The following MYH10 variants were observed in gnomAD, a reference collection of about 807,000 sequenced individuals.
The protein encoded by MYH10 is myosin-10.
Under a neutral mutation model 257.8 loss-of-function variants are expected in MYH10, and 55 were observed. The ratio of observed to expected loss-of-function variants is 0.21; its 90% CI spans 0.17 to 0.27. MYH10 has a LOEUF of 0.27. MYH10 is among the 10% of genes least tolerant of loss of function. MYH10 has a pLI of 1.00. For synonymous variants in MYH10, 854 were observed against 921.7 expected, an observed-to-expected ratio of 0.93 and a Z score of 1.33; for missense variants, 1,631 against 2,500.6, an observed-to-expected ratio of 0.65 and a Z score of 7.42.
intron 17 of MYH10, among the ~76,000 whole-genome samples, chr17:8,526,354 C>A (rs2081846542): frequency 1.3e-5 from 2 of 152,160 alleles, no homozygotes; most frequent in African/African-American, 4.8e-5. Flanking sequence ...CACTGGAAGA[C>A]CTAATATTGC....
At chr17:8,617,305 T>A (rs2085301724) in intron 2 of MYH10, among the ~76,000 whole-genome samples, 1 of 152,158 alleles carries the variant, frequency 6.6e-6, no homozygotes, top group Non-Finnish European at 1.5e-5. Context: ...GCAATTCCTA[T>A]CAGGTAGCCC....
chr17:8,603,000 A>G (rs899150686), intron 3 of MYH10, among the ~76,000 whole-genome samples: 2 of 152,206 alleles, frequency 1.3e-5, no homozygotes, highest in African/African-American at 4.8e-5. Flanking sequence ...CATTCTGTTT[A>G]CTAAAGAGGA....
chr17:8,559,057 C>T (rs1324353987), intron 7 of MYH10, among the ~76,000 whole-genome samples: 3 of 152,140 alleles, frequency 2.0e-5, no homozygotes, highest in Non-Finnish European at 4.4e-5. Flanking sequence ...AGAATGACCA[C>T]CTGGATGCTA....
At chr17:8,479,977 TTC>T in intron 40 of MYH10, 131 bp downstream of exon 40, 5 of 813,072 alleles carry the variant, frequency 6.1e-6, no homozygotes, top group Non-Finnish European at 9.6e-6. Context: ...TCACACCAAC[TTC>T]TGTGTCCCAC....
intron 19 of MYH10, 84 bp downstream of exon 19, chr17:8,520,794 A>G: frequency 7.0e-7 from 1 of 1,431,962 alleles, no homozygotes; most frequent in Non-Finnish European, 9.4e-7. Context: ...GACAAGGAAA[A>G]AGATTTCCTT....
chr17:8,610,271 C>CA lies in MYH10; in HGVS notation c.346-5290dup, dbSNP rs71361810. Among the ~76,000 whole-genome samples the CA allele has an allele frequency of 6.5e-3, 298 of 45,798 alleles. 8 individuals carry two copies. The highest frequency in any genetic ancestry group is 0.016 in the South Asian group (11 of 692). 30.0% of individuals were successfully genotyped at this position (45,798 alleles called of 152,430 possible). ...GTTTATAGGGAGCACCATAGGATTG[C>CA]AAAAAAAAAAAAAAAAAAAAAGGGT... is the stretch of plus-strand genomic sequence containing the variant. On this transcript the variant is annotated intron_variant, in intron 2 of 42. Coordinates refer to ENST00000360416, the MANE Select transcript of MYH10 (RefSeq NM_001256012.3).
chr17:8,491,740 A>G (rs1232536189), intron 34 of MYH10, among the ~76,000 whole-genome samples: 1 of 152,166 alleles, frequency 6.6e-6, no homozygotes, highest in Non-Finnish European at 1.5e-5. Flanking sequence ...GTCATACACT[A>G]AGGGAGAGAC....
At position 8,506,198 on chromosome 17, in the gene MYH10, C is replaced by T; in HGVS notation, c.3386+120G>A. 9.3e-7 allele frequency: 1 copy of T among 1,074,416 alleles called. No individual in the cohort carries two copies. The highest frequency in any genetic ancestry group is 1.3e-6 in the Non-Finnish European group (1 of 777,108). 66.6% of individuals were successfully genotyped at this position (1,074,416 alleles called of 1,614,324 possible). A position where few individuals can be genotyped will look rare whatever the true frequency, so the allele number is the denominator to read the frequency against. On this transcript the variant is annotated intron_variant, in intron 27 of 42. Coordinates refer to ENST00000360416, the MANE Select transcript of MYH10 (RefSeq NM_001256012.3). This position sits in a 1 kb window ranked among gnomAD's most constrained non-coding sequence, Gnocchi z 5.0. The stretch of plus-strand genomic sequence containing the variant: ...GGCTTTTCACTTTCTCAGGTCACAC[C>T]AAACAGCAAGCAAACCCCATCTCAC...
chr17:8,612,946 C>T (rs1219743585), intron 2 of MYH10, among the ~76,000 whole-genome samples: 1 of 152,058 alleles, frequency 6.6e-6, no homozygotes, highest in East Asian at 1.9e-4. Flanking sequence ...CAGGCATCCA[C>T]TGGGGATCTT....
At chr17:8,548,968 T>C (rs2082533490) in intron 9 of MYH10, among the ~76,000 whole-genome samples, 181 bp from the exon 10 acceptor site, 1 of 152,048 alleles carries the variant, frequency 6.6e-6, no homozygotes, top group African/African-American at 2.4e-5. Context: ...TTTTTTTAAT[T>C]ATCTGTACCA....
chr17:8,534,704 G>A (rs2082093254), intron 16 of MYH10, among the ~76,000 whole-genome samples: 1 of 152,242 alleles, frequency 6.6e-6, no homozygotes, highest in Non-Finnish European at 1.5e-5. Context: ...CTAAGGTCCT[G>A]CATGGCCTGA....
intron 36 of MYH10, 83 bp downstream of exon 36, chr17:8,487,350 C>A: frequency 1.3e-6 from 2 of 1,535,736 alleles, no homozygotes; most frequent in Non-Finnish European, 1.8e-6. Context: ...TGCTGTGCCC[C>A]CCAGCTTCAC....
intron 7 of MYH10, among the ~76,000 whole-genome samples, chr17:8,562,169 T>C (rs565688346): frequency 2.0e-4 from 30 of 152,320 alleles, no homozygotes; most frequent in African/African-American, 7.0e-4. Flanking sequence ...CCTGACAAAG[T>C]GAAATTTCAG....
chr17:8,608,550 AGCAGGAT>A (rs1448290999), intron 2 of MYH10, among the ~76,000 whole-genome samples: 1 of 152,218 alleles, frequency 6.6e-6, no homozygotes, highest in Non-Finnish European at 1.5e-5. Flanking sequence ...GGGTGAGCCA[AGCAGGAT>A]GCCTCTTGGG....
rs1054334826 is a variant in MYH10, at chr17:8,569,993, A to G, written c.664-181T>C. On this transcript the variant is annotated intron_variant, in intron 6 of 42. Coordinates refer to ENST00000360416, the MANE Select transcript of MYH10 (RefSeq NM_001256012.3). This position sits in a 1 kb window ranked among gnomAD's most constrained non-coding sequence, Gnocchi z 4.1. ...AATCCTGGTTATGATAATGGACTCC[A>G]CTAAAGGAAAAAATTAGCATCTATA... is the stretch of plus-strand genomic sequence containing the variant. Among the ~76,000 whole-genome samples, 33 of 152,194 alleles carry G rather than the reference A, an allele frequency of 2.2e-4. 1 individual carries two copies. The highest frequency in any genetic ancestry group is 8.8e-5 in the Non-Finnish European group (6 of 68,032).
At chr17:8,539,277 C>A (rs1335181619) in intron 14 of MYH10, among the ~76,000 whole-genome samples, 1 of 152,180 alleles carries the variant, frequency 6.6e-6, no homozygotes, top group East Asian at 1.9e-4. Context: ...CCCTAAAATA[C>A]CACTTTCAAC....
rs377687218 is a variant in MYH10 at position 8,500,808 on chromosome 17, C to T, written c.3744+18G>A. 1.7e-4 allele frequency: 273 copies of T among 1,609,368 alleles called. 1 individual carries two copies. Among genetic ancestry groups the T allele is most frequent in the Non-Finnish European group, 2.0e-4 (235 of 1,178,980 alleles). On this transcript the variant is annotated intron_variant, in intron 29 of 42. Coordinates refer to ENST00000360416, the MANE Select transcript of MYH10 (RefSeq NM_001256012.3). ...CAGACTTTCTCCAGGCCACAGCACA[C>T]GGCAGGGCCTCCCTTACCCGCTTGG...
chr17:8,530,575 G>C (rs1245296945), intron 17 of MYH10, 48 bp downstream of exon 17: 46 of 1,416,986 alleles, frequency 3.2e-5, no homozygotes, highest in Non-Finnish European at 4.3e-5. Context: ...TTTCCTGTGG[G>C]CTTAAAACCC....
At chr17:8,608,674 G>T (rs2084901187) in intron 2 of MYH10, among the ~76,000 whole-genome samples, 1 of 152,186 alleles carries the variant, frequency 6.6e-6, no homozygotes, top group Non-Finnish European at 1.5e-5. Flanking sequence ...TTACCTAAGG[G>T]AGACATACAA....
Sources: allele counts gnomAD v4.1 joint callset (sites outside exome capture counted in the v4.1 genomes callset), GRCh38; gene constraint gnomAD v4.1.1; non-coding constraint Gnocchi (gnomAD v3.1); transcripts MANE v1.5; gene names NCBI Gene and HGNC (gene_info 2026-07-23, HGNC 2026-07-21).